Variants in KSR2 observed in about 807,000 individuals in gnomAD.
KSR2 encodes the protein kinase suppressor of ras 2.
In KSR2, 25 loss-of-function variants were observed where a neutral mutation model predicts 107.8. That is an observed-to-expected ratio of 0.23 (90% CI 0.17 to 0.32). KSR2 has a LOEUF of 0.32. KSR2 is among the 10% of genes least tolerant of loss of function. The pLI is 1.00. For synonymous variants in KSR2, 480 were observed against 507.0 expected (o/e 0.95, Z 0.71); for missense variants, 887 against 1,268.9 (o/e 0.70, Z 4.57).
chr12:117,701,478 A>G (rs1213837513), intron 4 of KSR2, among the ~76,000 whole-genome samples: 1 of 152,226 alleles, frequency 6.6e-6, no homozygotes, highest in Non-Finnish European at 1.5e-5. Context: ...TATAAAATAA[A>G]GATCAAATTC....
intron 5 of KSR2, among the ~76,000 whole-genome samples, chr12:117,615,010 ACCTAGGATGCCGTC>A (rs769442236): frequency 1.1e-4 from 16 of 151,986 alleles, no homozygotes; most frequent in Non-Finnish European, 2.4e-4. Context: ...TCTTTCAGAG[ACCTAGGATGCCGTC>A]CCTTCTCTTC....
chr12:117,658,351 T>C (rs1265686738), intron 5 of KSR2, among the ~76,000 whole-genome samples: 1 of 152,204 alleles, frequency 6.6e-6, no homozygotes, highest in Non-Finnish European at 1.5e-5. Flanking sequence ...TTGCATAGTT[T>C]GGACAAGGGT....
chr12:117,473,399 C>T (rs1871596207), intron 17 of KSR2, among the ~76,000 whole-genome samples: 1 of 152,136 alleles, frequency 6.6e-6, no homozygotes, highest in African/African-American at 2.4e-5. Flanking sequence ...TGTGTCTTTC[C>T]CAAGATAACA....
chr12:117,479,012 G>T (rs1325303608), intron 16 of KSR2, among the ~76,000 whole-genome samples: 2 of 152,162 alleles, frequency 1.3e-5, no homozygotes, highest in East Asian at 3.8e-4. Flanking sequence ...AGAAACACTG[G>T]GTGGAGGAAA....
chr12:117,794,374 C>CA (rs1491222449), intron 3 of KSR2, among the ~76,000 whole-genome samples: 1 of 41,002 alleles, frequency 2.4e-5, no homozygotes. Context: ...AACATGCACA[C>CA]TCACACCAAC....
chr12:117,655,896 C>T (rs1884132064), intron 5 of KSR2, among the ~76,000 whole-genome samples: 1 of 152,132 alleles, frequency 6.6e-6, no homozygotes, highest in Admixed American at 6.5e-5. Context: ...TTACCATGCA[C>T]TGTGATTAAG....
At position 117,462,882 on chromosome 12, in the gene KSR2, T is replaced by G. The variant is rs1657453009; in HGVS notation, c.*4317A>C. ...GAACCCTAATCTAATAAGATTGTTG[T>G]CTTTATCAGAAGAGGAGGAGATACT... On this transcript the variant is annotated 3_prime_UTR_variant, in exon 20 of 20. Transcript: ENST00000339824. The G allele has an allele frequency of 6.6e-6, 1 of 152,144 alleles. No individual in the cohort carries two copies. Among genetic ancestry groups the G allele is most frequent in the South Asian group, 2.1e-4 (1 of 4,830 alleles). 9.4% of individuals were successfully genotyped at this position (152,144 alleles called of 1,614,324 possible).
At chr12:117,809,862 G>A (rs1297243130) in intron 3 of KSR2, among the ~76,000 whole-genome samples, 1 of 152,244 alleles carries the variant, frequency 6.6e-6, no homozygotes, top group African/African-American at 2.4e-5. Context: ...AATGGATGGG[G>A]ATGGGAGGAT....
chr12:117,597,768 A>G (rs1221400985), intron 5 of KSR2, among the ~76,000 whole-genome samples: 1 of 152,230 alleles, frequency 6.6e-6, no homozygotes, highest in Non-Finnish European at 1.5e-5. Context: ...CTTTTGCATC[A>G]ACCTAGTATT....
At chr12:117,523,967 T>A (rs1453187057) in intron 14 of KSR2, among the ~76,000 whole-genome samples, 1 of 152,156 alleles carries the variant, frequency 6.6e-6, no homozygotes, top group Non-Finnish European at 1.5e-5. Context: ...AGTGAAACTC[T>A]GTCTCAAAAA....
chr12:117,539,242 C>A (rs2137281458), intron 10 of KSR2, among the ~76,000 whole-genome samples: 1 of 152,326 alleles, frequency 6.6e-6, no homozygotes, highest in East Asian at 1.9e-4. Flanking sequence ...GCCCTGTCCT[C>A]ACATCTGGGT....
rs995145263 is a variant in KSR2, at chr12:117,707,223, T to C, written c.987-39565A>G. 6.6e-5 allele frequency among the ~76,000 whole-genome samples: 10 copies of C among 152,024 alleles called. No individual in the cohort carries two copies. The South Asian group carries it at 1.9e-3, about 29-fold the overall frequency. ...CAGATTAGAGATTGCCAGGGGCTAG[T>C]TGGGAGCAGGGAGGTGTAGGGATGG... On this transcript the variant is annotated intron_variant, in intron 4 of 19. Coordinates refer to ENST00000339824, the MANE Select transcript of KSR2 (RefSeq NM_173598.6).
intron 14 of KSR2, among the ~76,000 whole-genome samples, chr12:117,519,654 T>G (rs1402331106): frequency 6.6e-6 from 1 of 151,970 alleles, no homozygotes; most frequent in Non-Finnish European, 1.5e-5. Context: ...GTGGAATGAG[T>G]GTTTTGCAGG....
intron 3 of KSR2, among the ~76,000 whole-genome samples, chr12:117,838,908 C>T (rs1482083190): frequency 1.1e-4 from 17 of 152,218 alleles, no homozygotes; most frequent in African/African-American, 3.9e-4. Flanking sequence ...GTGGGCCATA[C>T]GGTCTCTGTC....
chr12:117,570,813 C>T (rs1054964174), intron 7 of KSR2, among the ~76,000 whole-genome samples: 12 of 152,306 alleles, frequency 7.9e-5, no homozygotes, highest in African/African-American at 2.4e-4. Context: ...AGTCACACAG[C>T]GAGGGAGTGG....
At chr12:117,656,988 AT>A (rs1279570998) in intron 5 of KSR2, among the ~76,000 whole-genome samples, 14 of 22,260 alleles carry the variant, frequency 6.3e-4, no homozygotes, top group Middle Eastern at 0.042. Context: ...TAGGATATAT[AT>A]ATATATATAT....
At position 117,456,173 on chromosome 12, in the gene KSR2, T is replaced by C. The variant is rs952037070; in HGVS notation, c.*11026A>G. On this transcript the variant is annotated 3_prime_UTR_variant, in exon 20 of 20. Transcript: ENST00000339824. ...GAAGAAGGAGCCAGGCAAAGATTTA[T>C]GCATCACACAGTTGGGCAGAAGCCT... 6.6e-6 allele frequency: 1 copy of C among 152,390 alleles called. No homozygotes were observed. The highest frequency in any genetic ancestry group is 1.5e-5 in the Non-Finnish European group (1 of 68,192). The allele number at this position is 152,390 out of a possible 1,614,324, so 9.4% of individuals were successfully genotyped here. A position where few individuals can be genotyped will look rare whatever the true frequency, so the allele number is the denominator to read the frequency against.
chr12:117,577,368 G>T (rs2063942), intron 7 of KSR2, among the ~76,000 whole-genome samples: 1 of 127,836 alleles, frequency 7.8e-6, no homozygotes, highest in South Asian at 2.3e-4. Flanking sequence ...AGAGAGAGAG[G>T]GGGGGAGAGA....
intron 5 of KSR2, among the ~76,000 whole-genome samples, chr12:117,614,229 A>G (rs1220429251): frequency 6.6e-6 from 1 of 152,198 alleles, no homozygotes; most frequent in Non-Finnish European, 1.5e-5. Context: ...AAAAAACTTA[A>G]AAAGGATGTA....
Sources: allele counts gnomAD v4.1 joint callset (sites outside exome capture counted in the v4.1 genomes callset), GRCh38; gene constraint gnomAD v4.1.1; transcripts MANE v1.5; gene names NCBI Gene and HGNC (gene_info 2026-07-23, HGNC 2026-07-21).